The following TTBK2 variants were observed in gnomAD, a reference collection of about 807,000 sequenced individuals.
TTBK2 encodes the protein tau-tubulin kinase 2.
TTBK2 carries 28 observed loss-of-function variants against 110.8 expected under a neutral mutation model. That is an observed-to-expected ratio of 0.25 (90% confidence interval 0.19 to 0.35). The LOEUF (loss-of-function observed/expected upper bound fraction) is 0.35, where lower values mean the gene tolerates loss of function less well. Among genes scored for constraint, TTBK2 ranks in the 10% least tolerant of loss-of-function variants. TTBK2 has a pLI of 1.00. For synonymous variants in TTBK2, 532 were observed against 527.3 expected, an observed-to-expected ratio of 1.01 and a Z score of -0.12; for missense variants, 1,369 against 1,500.3, an observed-to-expected ratio of 0.91 and a Z score of 1.45.
intron 1 of TTBK2, among the ~76,000 whole-genome samples, chr15:42,900,618 A>G (rs1335563903): frequency 6.6e-6 from 1 of 152,042 alleles, no homozygotes; most frequent in African/African-American, 2.4e-5. Flanking sequence ...GCTACTCGGG[A>G]GACTGAGTCA....
At chr15:42,832,793 A>AC (rs1367091764) in intron 4 of TTBK2, among the ~76,000 whole-genome samples, 1 of 152,124 alleles carries the variant, frequency 6.6e-6, no homozygotes, top group Non-Finnish European at 1.5e-5. Context: ...TTACCTGCCC[A>AC]TTAATCACTT....
At chr15:42,761,242 T>G (rs1336347696) in intron 13 of TTBK2, among the ~76,000 whole-genome samples, 1 of 152,048 alleles carries the variant, frequency 6.6e-6, no homozygotes, top group Non-Finnish European at 1.5e-5. Context: ...GAAGAAAACA[T>G]AGGGTAAATG....
Position 42,801,340 on chromosome 15 carries a change from C to CGGCCT in TTBK2, c.823-6544_823-6540dup, listed in dbSNP as rs1567031921. The CGGCCT allele has an allele frequency of 9.5e-6, 15 of 1,571,574 alleles. 2 individuals are homozygous for CGGCCT. Among genetic ancestry groups the CGGCCT allele is most frequent in the Non-Finnish European group, 1.3e-5 (15 of 1,142,426 alleles). ...ATGTCTTGACTGGCTAGCTGCAGGG[C>CGGCCT]GGCCTCCAGCTCAGACAGCTTGGCA... On this transcript the variant is annotated intron_variant, in intron 9 of 14. Coordinates refer to ENST00000267890, the MANE Select transcript of TTBK2 (RefSeq NM_173500.4).
intron 1 of TTBK2, among the ~76,000 whole-genome samples, chr15:42,902,946 T>C (rs1462891128): frequency 6.6e-6 from 1 of 150,434 alleles, no homozygotes; most frequent in Non-Finnish European, 1.5e-5. Flanking sequence ...GATCGCGCCA[T>C]TGCACTCCAG....
intron 1 of TTBK2, among the ~76,000 whole-genome samples, chr15:42,879,935 T>C (rs1364564517): frequency 1.3e-5 from 2 of 149,696 alleles, no homozygotes; most frequent in Non-Finnish European, 3.0e-5. Context: ...AGGTTGAGGT[T>C]GCAGTGAGCT....
chr15:42,900,737 C>A (rs1291558881), intron 1 of TTBK2, among the ~76,000 whole-genome samples: 1 of 151,980 alleles, frequency 6.6e-6, no homozygotes, highest in East Asian at 1.9e-4. Flanking sequence ...CAAAAAAAAA[C>A]AGTAGTTATT....
intron 3 of TTBK2, chr15:42,857,525 A>C (rs1893990429): frequency 6.6e-6 from 1 of 151,910 alleles, no homozygotes; most frequent in East Asian, 1.9e-4. Context: ...GTCTAAAATA[A>C]AGAAAAAAAA....
intron 1 of TTBK2, among the ~76,000 whole-genome samples, chr15:42,915,367 C>T (rs2031025309): frequency 6.6e-6 from 1 of 152,178 alleles, no homozygotes; most frequent in South Asian, 2.1e-4. Flanking sequence ...GTAACTAACT[C>T]TTATTTTACT....
chr15:42,749,719 T>C (rs1430271541), intron 14 of TTBK2, among the ~76,000 whole-genome samples: 2 of 152,258 alleles, frequency 1.3e-5, no homozygotes, highest in African/African-American at 2.4e-5. Flanking sequence ...TCCTCTTTTT[T>C]CTTCTTCCCT....
rs1199142596 is a variant in TTBK2, at chr15:42,752,843, C to A, written c.2403G>T (p.Glu801Asp). The A allele has an allele frequency of 1.2e-6, 2 of 1,614,078 alleles. No homozygotes were observed. The highest frequency in any genetic ancestry group is 1.7e-6 in the Non-Finnish European group (2 of 1,180,054). The change falls in exon 14 of 15, where the codon GAG (glutamate) becomes GAT (aspartate). Residue 801 changes from glutamate to aspartate, a missense_variant. By Grantham distance (45) the Glu-to-Asp change is conservative. This residue lies in a region of TTBK2 where 1,097 missense variants were observed against 1,114.7 expected (regional missense o/e 0.98). Transcript: ENST00000267890. ...EKLSRGQHCI[E>D]ISSLPGDLVI... Reference sequence around the variant, plus strand: ...CCAAATCTCCTGGGAGAGAGGAGATCTCAATACAATGCTGCCCTCTACTTA... The same window carrying A: ...CCAAATCTCCTGGGAGAGAGGAGATATCAATACAATGCTGCCCTCTACTTA...
chr15:42,881,125 T>C (rs1275842842), intron 1 of TTBK2, among the ~76,000 whole-genome samples: 5 of 151,174 alleles, frequency 3.3e-5, no homozygotes, highest in Non-Finnish European at 1.5e-5. Context: ...CTACTAAAAA[T>C]ACAAAAATTA....
intron 3 of TTBK2, among the ~76,000 whole-genome samples, chr15:42,853,384 T>G (rs751307170): frequency 1.3e-5 from 2 of 152,200 alleles, no homozygotes; most frequent in Non-Finnish European, 2.9e-5. Flanking sequence ...ATATCTCAAC[T>G]GAGAATAAAA....
chr15:42,881,543 T>C (rs1004279320), intron 1 of TTBK2, among the ~76,000 whole-genome samples: 1 of 149,722 alleles, frequency 6.7e-6, no homozygotes, highest in Non-Finnish European at 1.5e-5. Flanking sequence ...TAGAAAGATA[T>C]AAAGTCTCAG....
intron 6 of TTBK2, among the ~76,000 whole-genome samples, chr15:42,824,544 C>T (rs1370129538): frequency 6.6e-6 from 1 of 152,134 alleles, no homozygotes; most frequent in African/African-American, 2.4e-5. Context: ...ATAAAAAATG[C>T]TTAAAGTAAT....
At chr15:42,893,439 T>C (rs1452294902) in intron 1 of TTBK2, among the ~76,000 whole-genome samples, 1 of 152,064 alleles carries the variant, frequency 6.6e-6, no homozygotes, top group Non-Finnish European at 1.5e-5. Context: ...GAGGCTCCAA[T>C]GAGGTATGAT....
intron 3 of TTBK2, among the ~76,000 whole-genome samples, chr15:42,871,210 G>A (rs1374264884): frequency 6.6e-6 from 1 of 152,104 alleles, no homozygotes; most frequent in Non-Finnish European, 1.5e-5. Context: ...AAAATGAAGG[G>A]TTCTTAAGAA....
At chr15:42,797,321 G>A (rs1455803529) in intron 9 of TTBK2, among the ~76,000 whole-genome samples, 1 of 152,196 alleles carries the variant, frequency 6.6e-6, no homozygotes. Flanking sequence ...ATCTGTCACA[G>A]TATTGTATGT....
At chr15:42,900,279 A>C (rs2029911994) in intron 1 of TTBK2, among the ~76,000 whole-genome samples, 1 of 152,140 alleles carries the variant, frequency 6.6e-6, no homozygotes, top group Non-Finnish European at 1.5e-5. Context: ...GGCATGAGCC[A>C]CCGCACCCAG....
chr15:42,784,264 T>C (rs944813387), intron 10 of TTBK2, among the ~76,000 whole-genome samples: 1 of 152,132 alleles, frequency 6.6e-6, no homozygotes, highest in African/African-American at 2.4e-5. Context: ...GAAGTCTCTG[T>C]CAATTATAAC....
Sources: allele counts gnomAD v4.1 joint callset (sites outside exome capture counted in the v4.1 genomes callset), GRCh38; gene constraint gnomAD v4.1.1; regional missense constraint gnomAD v4.1.1; transcripts MANE v1.5; gene names NCBI Gene and HGNC (gene_info 2026-07-23, HGNC 2026-07-21).